Variants in HS6ST3 observed in about 807,000 individuals in gnomAD.
HS6ST3 encodes heparan-sulfate 6-O-sulfotransferase 3.
A neutral mutation model predicts 36.7 loss-of-function variants in HS6ST3; 12 were observed. The observed-to-expected ratio is 0.33, with a 90% CI of 0.21 to 0.53. The LOEUF (loss-of-function observed/expected upper bound fraction) is 0.53, where lower values mean the gene tolerates loss of function less well. Among genes scored for constraint, HS6ST3 ranks in the 20% least tolerant of loss-of-function variants. The pLI is 0.95. For missense variants in HS6ST3, 584 were observed against 640.9 expected (o/e 0.91, Z 0.96); for synonymous variants, 240 against 257.5 (o/e 0.93, Z 0.65).
At chr13:96,729,956 T>C (rs928206681) in intron 1 of HS6ST3, among the ~76,000 whole-genome samples, 2 of 152,240 alleles carry the variant, frequency 1.3e-5, no homozygotes, top group Non-Finnish European at 2.9e-5. Flanking sequence ...TTCTCTCACC[T>C]CTGAGACATG....
At chr13:96,763,354 C>A (rs1157822902) in intron 1 of HS6ST3, among the ~76,000 whole-genome samples, 1 of 150,156 alleles carries the variant, frequency 6.7e-6, no homozygotes, top group African/African-American at 2.4e-5. Context: ...AGCAGGGAGT[C>A]ATGGCACACA....
intron 1 of HS6ST3, among the ~76,000 whole-genome samples, chr13:96,227,429 G>A (rs2054486285): frequency 6.6e-6 from 1 of 152,176 alleles, no homozygotes; most frequent in Admixed American, 6.5e-5. Flanking sequence ...GGTAAAGGCA[G>A]CCCTTTATTA....
At chr13:96,831,961 A>AAAAAAAAAAC (rs1878798563) in intron 1 of HS6ST3, among the ~76,000 whole-genome samples, 1 of 143,784 alleles carries the variant, frequency 7.0e-6, no homozygotes, top group Non-Finnish European at 1.5e-5. Context: ...TCTCAAAAAA[A>AAAAAAAAAAC]AAAAAAAAAA....
At chr13:96,586,224 CTTA>C (rs2056360783) in intron 1 of HS6ST3, among the ~76,000 whole-genome samples, 2 of 151,858 alleles carry the variant, frequency 1.3e-5, no homozygotes, top group African/African-American at 4.8e-5. Context: ...AAAAAGATAT[CTTA>C]TTATGGCTTT....
chr13:96,310,260 G>T (rs61966904), intron 1 of HS6ST3, among the ~76,000 whole-genome samples: 10,717 of 152,150 alleles, frequency 0.07, 470 homozygotes, highest in Middle Eastern at 0.12. Flanking sequence ...TATGTATATA[G>T]AATCAAACAG....
chr13:96,607,944 T>C (rs1237619261), intron 1 of HS6ST3, among the ~76,000 whole-genome samples: 2 of 152,316 alleles, frequency 1.3e-5, no homozygotes, highest in East Asian at 3.9e-4. Flanking sequence ...AACTCTGATA[T>C]GGCCTATAAA....
intron 1 of HS6ST3, among the ~76,000 whole-genome samples, chr13:96,372,005 T>G (rs868058225): frequency 2.0e-5 from 3 of 152,170 alleles, no homozygotes; most frequent in Middle Eastern, 6.8e-3. Context: ...GTATCCGGGG[T>G]GGGATTGCTG....
chr13:96,594,103 G>A (rs914491167), intron 1 of HS6ST3, among the ~76,000 whole-genome samples: 7 of 151,984 alleles, frequency 4.6e-5, no homozygotes, highest in Non-Finnish European at 8.8e-5. Context: ...CTCCTGAGTA[G>A]CTAGGATTAC....
chr13:96,188,157 G>C (rs181492957), intron 1 of HS6ST3, among the ~76,000 whole-genome samples: 1 of 152,270 alleles, frequency 6.6e-6, no homozygotes, highest in African/African-American at 2.4e-5. Context: ...CACAAGTGAG[G>C]TTTACTGTAA....
chr13:96,625,456 G>A (rs970623024), intron 1 of HS6ST3, among the ~76,000 whole-genome samples: 3 of 152,042 alleles, frequency 2.0e-5, no homozygotes, highest in African/African-American at 7.2e-5. Context: ...TTGCCAAAAC[G>A]ACCATCAATT....
chr13:96,629,348 A>G (rs2056523927), intron 1 of HS6ST3, among the ~76,000 whole-genome samples: 6 of 152,290 alleles, frequency 3.9e-5, no homozygotes, highest in East Asian at 1.9e-4. Context: ...TCAGAATCCA[A>G]TCTTACATTT....
chr13:96,449,321 T>G (rs564656344), intron 1 of HS6ST3, among the ~76,000 whole-genome samples: 9 of 152,236 alleles, frequency 5.9e-5, no homozygotes, highest in African/African-American at 2.2e-4. Flanking sequence ...AAAAACATCC[T>G]CTCTCCCCTT....
rs897525261 is a variant in HS6ST3 at position 96,448,563 on chromosome 13, A to G, written c.707+356994A>G. Among the ~76,000 whole-genome samples the G allele has an allele frequency of 5.3e-5, 8 of 152,252 alleles. No homozygotes were observed. In the South Asian group the frequency reaches 1.7e-3, roughly 32 times the overall value. On this transcript the variant is annotated intron_variant, in intron 1 of 1. Transcript: ENST00000376705. Reference sequence around the variant, plus strand: ...TGCAAACCACCTAATAAATACTCAAAATAATGGTGATATCCGCCCTAAGCC... The same window carrying G: ...TGCAAACCACCTAATAAATACTCAAGATAATGGTGATATCCGCCCTAAGCC...
chr13:96,416,996 C>T (rs1330757245), intron 1 of HS6ST3, among the ~76,000 whole-genome samples: 1 of 152,116 alleles, frequency 6.6e-6, no homozygotes, highest in Non-Finnish European at 1.5e-5. Context: ...GTGATCCGCC[C>T]GCCTCTGCCT....
chr13:96,091,611 C>A (rs2053765222), intron 1 of HS6ST3, 42 bp downstream of exon 1: 1 of 1,517,912 alleles, frequency 6.6e-7, no homozygotes, highest in Non-Finnish European at 8.8e-7. Context: ...CCCCCACCCC[C>A]CATCCCTCTT....
At chr13:96,278,233 G>A (rs924113308) in intron 1 of HS6ST3, among the ~76,000 whole-genome samples, 3 of 152,098 alleles carry the variant, frequency 2.0e-5, no homozygotes, top group Non-Finnish European at 2.9e-5. Context: ...ACATACAAGC[G>A]CTTTTTGGGA....
At chr13:96,461,819 T>A (rs1471657976) in intron 1 of HS6ST3, among the ~76,000 whole-genome samples, 1 of 152,136 alleles carries the variant, frequency 6.6e-6, no homozygotes, top group Admixed American at 6.6e-5. Flanking sequence ...ATTCATTATA[T>A]GGGGCAAGCA....
At chr13:96,400,228 C>G (rs910920153) in intron 1 of HS6ST3, among the ~76,000 whole-genome samples, 7 of 150,286 alleles carry the variant, frequency 4.7e-5, no homozygotes, top group Admixed American at 6.7e-5. Context: ...GACACAGACT[C>G]ACATGCAGAC....
At chr13:96,181,358 A>G (rs1444972953) in intron 1 of HS6ST3, among the ~76,000 whole-genome samples, 1 of 152,210 alleles carries the variant, frequency 6.6e-6, no homozygotes, top group East Asian at 1.9e-4. Flanking sequence ...ATTGCGAGTC[A>G]TTTACATTGA....
Sources: allele counts gnomAD v4.1 joint callset (sites outside exome capture counted in the v4.1 genomes callset), GRCh38; gene constraint gnomAD v4.1.1; transcripts MANE v1.5; gene names NCBI Gene and HGNC (gene_info 2026-07-23, HGNC 2026-07-21).